Variants in TECPR2 observed in about 807,000 individuals in gnomAD.
TECPR2 encodes tectonin beta-propeller repeat-containing protein 2.
In TECPR2, 65 loss-of-function variants were observed where a neutral mutation model predicts 138.1. That is an observed-to-expected ratio of 0.47 (90% CI 0.39 to 0.58). TECPR2 has a LOEUF of 0.58. TECPR2 is among the 20% of genes least tolerant of loss of function. The probability of loss-of-function intolerance (pLI) is 0.00; values close to 1 mark genes in which losing one functional copy is unlikely to be tolerated. For missense variants in TECPR2, 1,553 were observed against 1,824.5 expected, an observed-to-expected ratio of 0.85 and a Z score of 2.71; for synonymous variants, 746 against 749.8, an observed-to-expected ratio of 0.99 and a Z score of 0.08.
intron 10 of TECPR2, 121 bp from the exon 11 acceptor site, chr14:102,440,315 G>C (rs1247684420): frequency 1.1e-5 from 15 of 1,349,750 alleles, no homozygotes; most frequent in Non-Finnish European, 1.5e-5. Context: ...TCCCCACTTG[G>C]GGGGACAGAA....
chr14:102,429,094 G>A (rs1312304988), intron 7 of TECPR2, among the ~76,000 whole-genome samples: 3 of 152,130 alleles, frequency 2.0e-5, no homozygotes, highest in Admixed American at 6.5e-5. Flanking sequence ...CGATCCGCCT[G>A]CCTCCGCCTC....
chr14:102,381,527 T>C lies in TECPR2; in HGVS notation c.219+4587T>C, dbSNP rs1409006977. ...AGGCAGAGGCTGCAGTAAGCTAAGA[T>C]CGTGCCAGTGCACTCCAGCCTAGGC... On this transcript the variant is annotated intron_variant, in intron 2 of 19. Transcript: ENST00000359520. Among the ~76,000 whole-genome samples, 4 of 152,200 alleles carry C rather than the reference T, an allele frequency of 2.6e-5. No homozygotes were observed. The South Asian group carries it at 8.3e-4, about 31-fold the overall frequency.
chr14:102,368,713 A>G (rs1887414219), intron 1 of TECPR2, among the ~76,000 whole-genome samples: 2 of 152,002 alleles, frequency 1.3e-5, no homozygotes, highest in Non-Finnish European at 2.9e-5. Context: ...AGTGAAGTCA[A>G]AGAGCTAATT....
chr14:102,362,987 C>G lies in TECPR2; in HGVS notation c.-202C>G. On this transcript the variant is annotated 5_prime_UTR_variant, in exon 1 of 20. Coordinates refer to ENST00000359520, the MANE Select transcript of TECPR2 (RefSeq NM_014844.5). The stretch of plus-strand genomic sequence containing the variant: ...GCCCCCGGCGGAGCCAGCTGCTGCT[C>G]TTCGGTGCTGGCCCCGGTGCCGGCC... 1 of 1,213,336 alleles carries G rather than the reference C, an allele frequency of 8.2e-7. No individual in the cohort carries two copies. Among genetic ancestry groups the G allele is most frequent in the Non-Finnish European group, 1.2e-6 (1 of 850,030 alleles). 75.2% of individuals were successfully genotyped at this position (1,213,336 alleles called of 1,614,324 possible). A position where few individuals can be genotyped will look rare whatever the true frequency, so the allele number is the denominator to read the frequency against.
chr14:102,427,548 T>C (rs1285837934), intron 6 of TECPR2, among the ~76,000 whole-genome samples: 1 of 152,230 alleles, frequency 6.6e-6, no homozygotes, highest in Non-Finnish European at 1.5e-5. Flanking sequence ...TTGCACTGTC[T>C]ACAGCAAAGC....
At position 102,425,564 on chromosome 14, in the gene TECPR2, T is replaced by TTTGTTG. The variant is rs35980535; in HGVS notation, c.951+298_951+303dup. 9.9e-4 allele frequency among the ~76,000 whole-genome samples: 151 copies of TTTGTTG among 151,802 alleles called. 1 individual carries two copies. The highest frequency in any genetic ancestry group is 6.2e-3 in the East Asian group (32 of 5,180). ...TAAACACAAAATTAAACTTGTTCTT[T>TTTGTTG]TTGTTGTTGTTGTTGTTGTTGTTGT... On this transcript the variant is annotated intron_variant, in intron 6 of 19. Coordinates refer to ENST00000359520, the MANE Select transcript of TECPR2 (RefSeq NM_014844.5).
chr14:102,445,405 C>G (rs966828873), intron 12 of TECPR2, among the ~76,000 whole-genome samples: 57 of 150,220 alleles, frequency 3.8e-4, no homozygotes, highest in African/African-American at 1.3e-3. Context: ...TGGAGGCACT[C>G]AGGGGCCTTG....
intron 5 of TECPR2, 34 bp from the exon 6 acceptor site, chr14:102,424,945 T>G (rs900684246): frequency 4.4e-5 from 69 of 1,575,216 alleles, no homozygotes; most frequent in Non-Finnish European, 5.8e-5. Context: ...TCCATGTCTG[T>G]TTTTTGTTCT....
intron 2 of TECPR2, among the ~76,000 whole-genome samples, chr14:102,384,686 T>A (rs112913211): frequency 0.41 from 57,014 of 138,376 alleles, 11,247 homozygotes; most frequent in East Asian, 0.51. Flanking sequence ...CAAAAAAAAA[T>A]ATATATATAT....
chr14:102,476,733 A>G (rs77897958), intron 17 of TECPR2, among the ~76,000 whole-genome samples: 1,582 of 152,356 alleles, frequency 0.01, 29 homozygotes, highest in African/African-American at 0.036. Context: ...TCAAGAAGCC[A>G]AAGAATACAT....
At chr14:102,422,822 G>A (rs1252112972) in intron 5 of TECPR2, among the ~76,000 whole-genome samples, 1 of 152,150 alleles carries the variant, frequency 6.6e-6, no homozygotes, top group Non-Finnish European at 1.5e-5. Flanking sequence ...TTCCTTGCTA[G>A]GCTTCATAAC....
intron 4 of TECPR2, among the ~76,000 whole-genome samples, chr14:102,413,333 A>T (rs1377642601): frequency 6.6e-6 from 1 of 150,472 alleles, no homozygotes; most frequent in Non-Finnish European, 1.5e-5. Context: ...TATATATTGG[A>T]TTTCATATAT....
intron 16 of TECPR2, among the ~76,000 whole-genome samples, chr14:102,461,633 C>T (rs2139767112): frequency 6.6e-6 from 1 of 152,360 alleles, no homozygotes; most frequent in Non-Finnish European, 1.5e-5. Flanking sequence ...AGCGACTTCA[C>T]ACAGTGAACC....
rs2139707068 is a variant in TECPR2, at chr14:102,418,089, G to C, written c.638+3296G>C. 3.9e-5 allele frequency among the ~76,000 whole-genome samples: 6 copies of C among 152,278 alleles called. No individual in the cohort carries two copies. The East Asian group carries it at 1.2e-3, about 29-fold the overall frequency. On this transcript the variant is annotated intron_variant, in intron 5 of 19. Transcript: ENST00000359520. ...AAGGGGTTTGACGGGCCTGTCAGGT[G>C]GCTGCGTGGGAGTCGCAGAAGAGAG... is the stretch of plus-strand genomic sequence containing the variant.
chr14:102,462,686 C>A (rs1464436734), intron 16 of TECPR2, among the ~76,000 whole-genome samples: 2 of 152,196 alleles, frequency 1.3e-5, no homozygotes, highest in African/African-American at 2.4e-5. Context: ...GCTAATGGAG[C>A]TGCACACCTT....
chr14:102,389,265 G>T (rs1029600621), intron 2 of TECPR2, among the ~76,000 whole-genome samples: 2 of 152,178 alleles, frequency 1.3e-5, no homozygotes, highest in African/African-American at 4.8e-5. Context: ...GGCAGAGGTT[G>T]CAGTGAGCCG....
chr14:102,412,528 A>G (rs1888909897), intron 4 of TECPR2, among the ~76,000 whole-genome samples: 1 of 152,164 alleles, frequency 6.6e-6, no homozygotes, highest in East Asian at 1.9e-4. Context: ...TGTCAAGTTC[A>G]CAGGGACAGA....
chr14:102,468,931 G>A (rs1404812209), intron 17 of TECPR2, among the ~76,000 whole-genome samples: 2 of 152,164 alleles, frequency 1.3e-5, no homozygotes, highest in Non-Finnish European at 2.9e-5. Context: ...ATAAAGGTTT[G>A]CTACTGGACT....
chr14:102,373,182 A>G (rs999069253), intron 1 of TECPR2, among the ~76,000 whole-genome samples: 25 of 151,288 alleles, frequency 1.7e-4, no homozygotes, highest in African/African-American at 5.6e-4. Flanking sequence ...TGCCTACTTC[A>G]TGTTTGTTTT....
Sources: allele counts gnomAD v4.1 joint callset (sites outside exome capture counted in the v4.1 genomes callset), GRCh38; gene constraint gnomAD v4.1.1; transcripts MANE v1.5; gene names NCBI Gene and HGNC (gene_info 2026-07-23, HGNC 2026-07-21).